Variants in E2F6 observed in about 807,000 individuals in gnomAD.
E2F6 encodes the protein transcription factor E2F6.
Under a neutral mutation model 31.5 loss-of-function variants are expected in E2F6, and 19 were observed. That is an observed-to-expected ratio of 0.60 (90% CI 0.42 to 0.89). The LOEUF (loss-of-function observed/expected upper bound fraction) is 0.89, where lower values mean the gene tolerates loss of function less well. Ranked by LOEUF, E2F6 falls within the 40% of genes least tolerant of loss-of-function variation. E2F6 has a pLI of 0.00. For missense variants in E2F6, 269 were observed against 341.6 expected (o/e 0.79, Z 1.67); for synonymous variants, 121 against 127.7 (o/e 0.95, Z 0.36).
chr2:11,447,745 G>A lies in E2F6; in HGVS notation c.681C>T (p.Thr227=), dbSNP rs1222952988. ...EDSITVHIRS[T]NGPIDVYLCE... ...ACAAATAGACATCGATAGGTCCGTT[G>A]GTGCTCCTTATGTGCACTGTGATAG... The change falls in exon 6 of 7, where the codon ACC becomes ACT. Residue 227 remains threonine (T), a synonymous_variant. Coordinates refer to ENST00000381525, the MANE Select transcript of E2F6 (RefSeq NM_198256.4). 6.2e-7 allele frequency: 1 copy of A among 1,612,238 alleles called. No individual in the cohort carries two copies. The highest frequency in any genetic ancestry group is 1.1e-5 in the South Asian group (1 of 90,994).
At chr2:11,451,625 TA>T in intron 4 of E2F6, 25 bp downstream of exon 4, 5 of 1,577,384 alleles carry the variant, frequency 3.2e-6, no homozygotes, top group Non-Finnish European at 4.3e-6. Flanking sequence ...GCAGAAATTT[TA>T]AAAAGGTATA....
At chr2:11,454,900 G>GT (rs1316149827) in intron 2 of E2F6, among the ~76,000 whole-genome samples, 1 of 152,184 alleles carries the variant, frequency 6.6e-6, no homozygotes, top group Non-Finnish European at 1.5e-5. Context: ...GTCAACAAAT[G>GT]TATTTCAACA....
chr2:11,449,205 T>C (rs1225076066), intron 5 of E2F6, among the ~76,000 whole-genome samples: 1 of 151,994 alleles, frequency 6.6e-6, no homozygotes, highest in Non-Finnish European at 1.5e-5. Flanking sequence ...ATAACTTGAG[T>C]GTGACTGAGG....
intron 2 of E2F6, chr2:11,455,378 A>C (rs1318419676): frequency 1.6e-6 from 2 of 1,242,270 alleles, no homozygotes; most frequent in Non-Finnish European, 2.1e-6. Flanking sequence ...AACCTCCACA[A>C]TGTCACATTT....
chr2:11,446,909 T>C (rs891328089), intron 6 of E2F6, among the ~76,000 whole-genome samples: 10 of 152,328 alleles, frequency 6.6e-5, no homozygotes, highest in African/African-American at 2.2e-4. Context: ...AAGCTTCCTA[T>C]CGGTCCAGCC....
At chr2:11,461,754 C>T (rs751535714) in intron 1 of E2F6, among the ~76,000 whole-genome samples, 2 of 152,204 alleles carry the variant, frequency 1.3e-5, no homozygotes, top group Admixed American at 1.3e-4. Context: ...AAGATTCTAA[C>T]CCAGGGCACA....
intron 1 of E2F6, among the ~76,000 whole-genome samples, chr2:11,463,958 G>GAC (rs1671958073): frequency 9.4e-6 from 1 of 106,360 alleles, no homozygotes; most frequent in Admixed American, 1.1e-4. Flanking sequence ...CGGGGGGGGG[G>GAC]ACAAAAACAA....
At position 11,453,613 on chromosome 2, in the gene E2F6, C is replaced by T. The variant is rs370368572; in HGVS notation, c.349G>A (p.Glu117Lys). 1.9e-6 allele frequency: 3 copies of T among 1,614,008 alleles called. No homozygotes were observed. The African/African-American group carries it at 4.0e-5, about 22-fold the overall frequency. Reference sequence around the variant, plus strand: ...CTAATATGGTTCTTGGATTTCTTTTCAACGAGGTCGATTCCATCTAAGACA... The same window carrying T: ...CTAATATGGTTCTTGGATTTCTTTTTAACGAGGTCGATTCCATCTAAGACA... ...TNVLDGIDLV[E>K]KKSKNHIRWI... is the part of the protein sequence containing the mutation. Residue 117 changes from glutamate (E) to lysine (K), a missense_variant, in exon 3 of 7, where the codon GAA becomes AAA. Coordinates refer to ENST00000381525, the MANE Select transcript of E2F6 (RefSeq NM_198256.4).
chr2:11,465,198 A>G (rs1440227553), intron 1 of E2F6, among the ~76,000 whole-genome samples: 17 of 149,112 alleles, frequency 1.1e-4, no homozygotes, highest in Non-Finnish European at 1.8e-4. Context: ...AAAAAAAAAG[A>G]AAAAAAAGAA....
chr2:11,463,161 G>A (rs763566910), intron 1 of E2F6, among the ~76,000 whole-genome samples: 2 of 152,144 alleles, frequency 1.3e-5, no homozygotes, highest in Non-Finnish European at 2.9e-5. Context: ...CCAATATACA[G>A]CTGACCCTCA....
chr2:11,465,653 G>A, intron 1 of E2F6, 119 bp downstream of exon 1: 1 of 988,898 alleles, frequency 1.0e-6, no homozygotes, highest in South Asian at 1.5e-5. Flanking sequence ...GATGGGCAGC[G>A]CCTGGCCCAG....
intron 3 of E2F6, among the ~76,000 whole-genome samples, chr2:11,452,246 G>C (rs978908755): frequency 1.2e-4 from 19 of 152,132 alleles, no homozygotes; most frequent in African/African-American, 4.1e-4. Flanking sequence ...TGAGGAGTCT[G>C]TATCTTTCCC....
Position 11,446,434 on chromosome 2 carries a change from A to C in E2F6, c.*43T>G. The C allele has an allele frequency of 7.0e-7, 1 of 1,429,652 alleles. No individual in the cohort carries two copies. The highest frequency in any genetic ancestry group is 9.9e-7 in the Non-Finnish European group (1 of 1,014,858). The allele number at this position is 1,429,652 out of a possible 1,614,324, so 88.6% of individuals were successfully genotyped here. A position where few individuals can be genotyped will look rare whatever the true frequency, so the allele number is the denominator to read the frequency against. ...ATTTGATGCGTAATTCTCCACGAAG[A>C]TATTCCCAAAAAACTCAGTGATACA... is the stretch of plus-strand genomic sequence containing the variant. On this transcript the variant is annotated 3_prime_UTR_variant, in exon 7 of 7. Coordinates refer to ENST00000381525, the MANE Select transcript of E2F6 (RefSeq NM_198256.4).
At chr2:11,446,654 G>A (rs566956498) in intron 6 of E2F6, 131 bp from the exon 7 acceptor site, 155 of 692,766 alleles carry the variant, frequency 2.2e-4, no homozygotes, top group African/African-American at 1.9e-3. Flanking sequence ...TCAAGAACAC[G>A]TATTCTCAGG....
intron 5 of E2F6, among the ~76,000 whole-genome samples, chr2:11,448,492 A>ACT (rs1341760428): frequency 1.3e-5 from 2 of 151,678 alleles, no homozygotes; most frequent in Non-Finnish European, 2.9e-5. Flanking sequence ...GCTCCCTCCC[A>ACT]CTCCACACCT....
chr2:11,463,315 C>G (rs570965919), intron 1 of E2F6, among the ~76,000 whole-genome samples: 1 of 152,298 alleles, frequency 6.6e-6, no homozygotes, highest in African/African-American at 2.4e-5. Context: ...AAGACCTTTA[C>G]GATGACCTAA....
intron 3 of E2F6, among the ~76,000 whole-genome samples, chr2:11,452,420 A>G (rs1671125890): frequency 6.6e-6 from 1 of 152,102 alleles, no homozygotes; most frequent in South Asian, 2.1e-4. Flanking sequence ...CCTGGCCAAC[A>G]TGGTGAAACC....
chr2:11,457,436 A>T (rs1351017744), intron 1 of E2F6, among the ~76,000 whole-genome samples: 2 of 152,236 alleles, frequency 1.3e-5, no homozygotes, highest in African/African-American at 2.4e-5. Flanking sequence ...CAGCCTGGCC[A>T]ACATGGTGAA....
intron 1 of E2F6, among the ~76,000 whole-genome samples, chr2:11,461,347 T>TTTTA (rs552525934): frequency 1.7e-4 from 26 of 152,232 alleles, no homozygotes; most frequent in Admixed American, 6.5e-4. Context: ...CAACTTTCTA[T>TTTTA]TTTATTTATT....
Sources: allele counts gnomAD v4.1 joint callset (sites outside exome capture counted in the v4.1 genomes callset), GRCh38; gene constraint gnomAD v4.1.1; transcripts MANE v1.5; gene names NCBI Gene and HGNC (gene_info 2026-07-23, HGNC 2026-07-21).